The following RANBP2 variants were observed in gnomAD, a reference collection of about 807,000 sequenced individuals.
RANBP2 encodes the protein RAN binding protein 2.
Under a neutral mutation model 303.6 loss-of-function variants are expected in RANBP2, and 57 were observed. That is an observed-to-expected ratio of 0.19 (90% CI 0.15 to 0.23). The LOEUF is 0.23. Ranked by LOEUF, RANBP2 falls within the 10% of genes least tolerant of loss-of-function variation. The pLI is 1.00. For missense variants in RANBP2, 3,138 were observed against 3,780.8 expected (o/e 0.83, Z 4.46); for synonymous variants, 1,167 against 1,301.5 (o/e 0.90, Z 2.23).
At chr2:109,177,933 C>T in the RANBP2 span, among the ~76,000 whole-genome samples, 1 of 152,316 alleles carries the variant, frequency 6.6e-6, no homozygotes, top group South Asian at 2.1e-4. Flanking sequence ...AAGTTTCTAG[C>T]AGGAGTCTCA....
At chr2:108,816,417 C>G in the RANBP2 span, among the ~76,000 whole-genome samples, 1 of 152,074 alleles carries the variant, frequency 6.6e-6, no homozygotes, top group Non-Finnish European at 1.5e-5. Context: ...CAGCACTGCA[C>G]TCCAGCCTGG....
At chr2:108,958,968 G>A in the RANBP2 span, among the ~76,000 whole-genome samples, 1 of 152,242 alleles carries the variant, frequency 6.6e-6, no homozygotes, top group Admixed American at 6.5e-5. Flanking sequence ...AAGTCCTCAA[G>A]AAGTGGCCTC....
chr2:109,173,923 A>G, the RANBP2 span, among the ~76,000 whole-genome samples: 1 of 152,208 alleles, frequency 6.6e-6, no homozygotes, highest in African/African-American at 2.4e-5. Flanking sequence ...GGTGTGGGCC[A>G]ATTCTTATGC....
At chr2:109,456,144 T>C in the RANBP2 span, among the ~76,000 whole-genome samples, 8 of 152,164 alleles carry the variant, frequency 5.3e-5, no homozygotes, top group Non-Finnish European at 1.0e-4. Context: ...AAGAGTCTCA[T>C]GGTCAGCCAT....
At chr2:108,889,407 T>C in the RANBP2 span, among the ~76,000 whole-genome samples, 26 of 152,192 alleles carry the variant, frequency 1.7e-4, no homozygotes, top group Admixed American at 1.3e-4. Context: ...CTGACTGTTA[T>C]TGTATTGCAT....
At position 108,771,845 on chromosome 2, in the gene RANBP2, A is replaced by C. The variant is rs1677521936; in HGVS notation, c.7994A>C (p.Asp2665Ala). Residue 2665 changes from aspartate (D) to alanine (A), a missense_variant, in exon 21 of 29, where the codon GAT becomes GCT. Asp to Ala is a moderately radical substitution (Grantham distance 126). Transcript: ENST00000283195. The part of the protein sequence containing the change: ...PTFFCYKNRP[D>A]YVSEEEEDDE... ...TTCTTCTGCTACAAGAATAGACCAGATTATGTTAGTGAAGAAGAGGAGGAT... is the reference window on the plus strand; with the variant it reads ...TTCTTCTGCTACAAGAATAGACCAGCTTATGTTAGTGAAGAAGAGGAGGAT... The C allele has an allele frequency of 5.0e-6, 8 of 1,614,002 alleles. No homozygotes were observed. The East Asian group carries it at 1.8e-4, about 36-fold the overall frequency.
chr2:109,078,251 A>AGCG, the RANBP2 span, among the ~76,000 whole-genome samples: 6 of 51,628 alleles, frequency 1.2e-4, 1 homozygote, highest in Non-Finnish European at 1.9e-4. Flanking sequence ...TAGCGTGTAT[A>AGCG]TATATATATA....
the RANBP2 span, among the ~76,000 whole-genome samples, chr2:109,187,546 C>T: frequency 6.6e-6 from 1 of 152,054 alleles, no homozygotes; most frequent in East Asian, 1.9e-4. Flanking sequence ...CATTGTGTTC[C>T]AGCTCCTAAG....
At chr2:108,978,748 G>T in the RANBP2 span, among the ~76,000 whole-genome samples, 1 of 152,180 alleles carries the variant, frequency 6.6e-6, no homozygotes, top group South Asian at 2.1e-4. Context: ...TGCAGGTTTT[G>T]GTATGGAGAC....
the RANBP2 span, among the ~76,000 whole-genome samples, chr2:108,933,881 C>T: frequency 6.6e-6 from 1 of 152,092 alleles, no homozygotes; most frequent in African/African-American, 2.4e-5. Flanking sequence ...CTCCCAGCAG[C>T]CCTGGACTTG....
chr2:109,563,139 A>T, the RANBP2 span, among the ~76,000 whole-genome samples: 2 of 151,956 alleles, frequency 1.3e-5, no homozygotes, highest in African/African-American at 4.8e-5. Flanking sequence ...TTGAACTCCT[A>T]ACCTCAAGTG....
the RANBP2 span, among the ~76,000 whole-genome samples, chr2:109,273,453 C>T: frequency 2.0e-5 from 3 of 152,058 alleles, no homozygotes; most frequent in African/African-American, 4.8e-5. Flanking sequence ...CGGGGCTGGG[C>T]GGAGGAGGGG....
chr2:108,921,641 G>A, the RANBP2 span, among the ~76,000 whole-genome samples: 11 of 152,190 alleles, frequency 7.2e-5, no homozygotes, highest in African/African-American at 1.9e-4. Context: ...TAGCTCCGAC[G>A]TTTTTGCTGA....
chr2:108,798,446 CAG>C, the RANBP2 span: 1 of 1,612,968 alleles, frequency 6.2e-7, no homozygotes, highest in Non-Finnish European at 8.5e-7. Context: ...TGCAGCACAA[CAG>C]AAATTTGCTG....
At chr2:108,902,817 A>AT in the RANBP2 span, among the ~76,000 whole-genome samples, 1 of 152,222 alleles carries the variant, frequency 6.6e-6, no homozygotes, top group Non-Finnish European at 1.5e-5. Context: ...GAAAAATGGA[A>AT]TGCTTTTAAG....
At chr2:109,402,109 T>C in the RANBP2 span, among the ~76,000 whole-genome samples, 1 of 152,248 alleles carries the variant, frequency 6.6e-6, no homozygotes, top group Non-Finnish European at 1.5e-5. Context: ...CTGTGTATGC[T>C]GCCCCTGCGG....
the RANBP2 span, among the ~76,000 whole-genome samples, chr2:109,348,386 T>C: frequency 6.6e-6 from 1 of 152,192 alleles, no homozygotes; most frequent in Non-Finnish European, 1.5e-5. Context: ...AGATGATAGC[T>C]GGGGTCTCAC....
the RANBP2 span, among the ~76,000 whole-genome samples, chr2:109,341,964 G>A: frequency 5.3e-4 from 80 of 152,340 alleles, no homozygotes; most frequent in East Asian, 0.014. Flanking sequence ...GTCATTAGCT[G>A]TCTCTGACCC....
the RANBP2 span, among the ~76,000 whole-genome samples, chr2:109,651,395 T>G: frequency 5.9e-5 from 9 of 152,148 alleles, no homozygotes; most frequent in Non-Finnish European, 1.3e-4. Flanking sequence ...CCATGACACC[T>G]ACTCCTGCTG....
Sources: gnomAD v4.1 joint callset for allele counts (sites outside exome capture counted in the v4.1 genomes callset) on GRCh38, gnomAD v4.1.1 for gene constraint, MANE v1.5 for transcripts, NCBI Gene and HGNC (gene_info 2026-07-23, HGNC 2026-07-21) for gene names.